The following CHD9 variants were observed in gnomAD, a reference collection of about 807,000 sequenced individuals.
CHD9 encodes the protein ATP-dependent chromatin remodeler CHD9.
A neutral mutation model predicts 316.1 loss-of-function variants in CHD9; 77 were observed. The ratio of observed to expected loss-of-function variants is 0.24; its 90% confidence interval spans 0.20 to 0.29. The LOEUF is 0.29. CHD9 is among the 10% of genes least tolerant of loss of function. The probability of loss-of-function intolerance (pLI) is 1.00; values close to 1 mark genes in which losing one functional copy is unlikely to be tolerated. For missense variants in CHD9, 2,763 were observed against 3,438.1 expected, an observed-to-expected ratio of 0.80 and a Z score of 4.91; for synonymous variants, 1,129 against 1,158.3, an observed-to-expected ratio of 0.97 and a Z score of 0.51.
At chr16:53,079,345 T>G (rs2034818072) in intron 1 of CHD9, among the ~76,000 whole-genome samples, 1 of 152,186 alleles carries the variant, frequency 6.6e-6, no homozygotes, top group Admixed American at 6.5e-5. Flanking sequence ...TCACACAATG[T>G]TTGTTGGATT....
intron 1 of CHD9, among the ~76,000 whole-genome samples, chr16:53,088,312 C>T (rs1164153482): frequency 9.0e-5 from 11 of 121,788 alleles, no homozygotes; most frequent in African/African-American, 3.5e-4. Context: ...GAGTCTCGTT[C>T]TGTCGCCCAG....
chr16:53,298,768 C>T (rs1032815943), intron 30 of CHD9: 3 of 153,884 alleles, frequency 1.9e-5, no homozygotes, highest in South Asian at 2.1e-4. Context: ...ATTCTATTGT[C>T]GACACAGAAT....
At chr16:53,212,817 G>A (rs2046437885) in intron 3 of CHD9, among the ~76,000 whole-genome samples, 4 of 152,046 alleles carry the variant, frequency 2.6e-5, no homozygotes, top group Admixed American at 2.6e-4. Flanking sequence ...CATGCTTTAG[G>A]TTCCTCCTCT....
intron 1 of CHD9, among the ~76,000 whole-genome samples, chr16:53,106,321 C>G (rs766190343): frequency 1.6e-4 from 25 of 152,262 alleles, no homozygotes; most frequent in Non-Finnish European, 3.2e-4. Flanking sequence ...ACACTTGAAC[C>G]AGAAGTTCAG....
intron 1 of CHD9, among the ~76,000 whole-genome samples, chr16:53,132,495 T>G (rs1429919802): frequency 6.6e-6 from 1 of 152,242 alleles, no homozygotes. Context: ...GAAGTAGTTT[T>G]AAAAGAACCA....
chr16:53,274,123 C>A, intron 23 of CHD9, 90 bp from the exon 24 acceptor site: 2 of 792,398 alleles, frequency 2.5e-6, no homozygotes, highest in Non-Finnish European at 4.3e-6. Context: ...AAAATCTGTA[C>A]ACAAATTCCT....
At chr16:53,148,600 G>T (rs1181932693) in intron 1 of CHD9, among the ~76,000 whole-genome samples, 1 of 152,210 alleles carries the variant, frequency 6.6e-6, no homozygotes, top group African/African-American at 2.4e-5. Context: ...AACGACTGAT[G>T]TTGAGTGTCT....
intron 35 of CHD9, 123 bp from the exon 36 acceptor site, chr16:53,314,700 A>G: frequency 2.8e-6 from 3 of 1,060,584 alleles, no homozygotes; most frequent in Non-Finnish European, 4.0e-6. Context: ...TTTTAAGTTT[A>G]AAAGATTTAG....
chr16:53,186,790 C>A (rs1284964276), intron 2 of CHD9, among the ~76,000 whole-genome samples: 1 of 152,140 alleles, frequency 6.6e-6, no homozygotes, highest in Admixed American at 6.5e-5. Flanking sequence ...AGAGGATTCC[C>A]CCTTTGCTTG....
At chr16:53,098,869 G>A (rs1488455580) in intron 1 of CHD9, among the ~76,000 whole-genome samples, 3 of 152,158 alleles carry the variant, frequency 2.0e-5, no homozygotes, top group Admixed American at 2.0e-4. Flanking sequence ...ATCAAGAACC[G>A]TCGCTCCTAG....
intron 1 of CHD9, among the ~76,000 whole-genome samples, chr16:53,097,494 G>A (rs7200338): frequency 0.43 from 65,425 of 151,410 alleles, 14,923 homozygotes; most frequent in East Asian, 0.58. Context: ...CAAACTCCTA[G>A]GCTCAAGCAA....
At position 53,144,026 on chromosome 16, in the gene CHD9, G is replaced by GA. The variant is rs541552655; in HGVS notation, c.-164-11895dup. Among the ~76,000 whole-genome samples, 72 of 152,060 alleles carry GA rather than the reference G, an allele frequency of 4.7e-4. 2 individuals are homozygous for GA. In the South Asian group the frequency reaches 0.013, roughly 28 times the overall value. On this transcript the variant is annotated intron_variant, in intron 1 of 38. Transcript: ENST00000447540. ...TATAGATGAGCTCCTGAAGTGGGGG[G>GA]AAAAATATGATATCTTTTGTAAATT...
At chr16:53,088,391 C>T (rs190320254) in intron 1 of CHD9, among the ~76,000 whole-genome samples, 2,043 of 151,006 alleles carry the variant, frequency 0.014, 53 homozygotes, top group African/African-American at 0.047. Context: ...CATTCTCCTG[C>T]CTTAGCCTCC....
chr16:53,104,787 G>T (rs530402115), intron 1 of CHD9, among the ~76,000 whole-genome samples: 3 of 150,574 alleles, frequency 2.0e-5, no homozygotes, highest in Non-Finnish European at 4.4e-5. Context: ...ACTCCAGCCC[G>T]GGTGACAGAA....
chr16:53,238,510 A>G lies in CHD9; in HGVS notation c.2801A>G (p.Asn934Ser). 6.2e-7 allele frequency: 1 copy of G among 1,613,246 alleles called. No homozygotes were observed. Among genetic ancestry groups the G allele is most frequent in the East Asian group, 2.2e-5 (1 of 44,816 alleles). The change falls in exon 12 of 39, where the codon AAC becomes AGC. Residue 934 changes from asparagine to serine, a missense_variant. Physicochemically the swap from Asn to Ser is conservative, Grantham distance 46 (BLOSUM62 1). Transcript: ENST00000447540. ...EREFRTWTDI[N>S]VVVYHGSLIS... ...GAATTTCGTACGTGGACTGATATTAACGTTGTGGTTTATCATGGGAGCCTG... is the reference window on the plus strand; with the variant it reads ...GAATTTCGTACGTGGACTGATATTAGCGTTGTGGTTTATCATGGGAGCCTG...
chr16:53,157,395 C>G lies in CHD9; in HGVS notation c.1306C>G (p.Leu436Val). 9 of 1,613,952 alleles carry G rather than the reference C, an allele frequency of 5.6e-6. No homozygotes were observed. Among genetic ancestry groups the G allele is most frequent in the Non-Finnish European group, 7.6e-6 (9 of 1,179,856 alleles). ...TTCAAGTCACATTTTAGATCATGAC[C>G]TTGATCGGCAGTTTACTTCGCATCT... ...DNSSHILDHDLDRQFTSHLVT... is the reference protein window; with the variant it reads ...DNSSHILDHDVDRQFTSHLVT... The change falls in exon 2 of 39, where the codon CTT (leucine) becomes GTT (valine). Residue 436 changes from leucine (L) to valine (V), a missense_variant. Leu to Val is a conservative substitution (Grantham distance 32). This residue lies in a region of CHD9 where 859 missense variants were observed against 890.4 expected (regional missense o/e 0.96). Transcript: ENST00000447540.
chr16:53,223,731 T>C (rs1285696788), intron 4 of CHD9, among the ~76,000 whole-genome samples: 2 of 152,158 alleles, frequency 1.3e-5, no homozygotes, highest in Non-Finnish European at 2.9e-5. Flanking sequence ...ACTGTAGTAT[T>C]AGGTTGTTTT....
chr16:53,262,908 C>A, intron 19 of CHD9, 79 bp from the exon 20 acceptor site: 3 of 1,126,982 alleles, frequency 2.7e-6, no homozygotes, highest in South Asian at 2.6e-5. Context: ...CAAATTCTAT[C>A]CATAGTAAAT....
At chr16:53,218,263 A>G (rs2046946913) in intron 3 of CHD9, among the ~76,000 whole-genome samples, 2 of 152,166 alleles carry the variant, frequency 1.3e-5, no homozygotes, top group Non-Finnish European at 2.9e-5. Flanking sequence ...ATGTAGAACA[A>G]TGTTGGAAGA....
Sources: allele counts gnomAD v4.1 joint callset (sites outside exome capture counted in the v4.1 genomes callset), GRCh38; gene constraint gnomAD v4.1.1; regional missense constraint gnomAD v4.1.1; transcripts MANE v1.5; gene names NCBI Gene and HGNC (gene_info 2026-07-23, HGNC 2026-07-21).